Variants in ZDHHC13 observed in about 807,000 individuals in gnomAD.
The protein encoded by ZDHHC13 is zDHHC palmitoyltransferase 13, also known as palmitoyltransferase ZDHHC13.
In ZDHHC13, 85 loss-of-function variants were observed where a neutral mutation model predicts 86.0. The observed-to-expected ratio is 0.99, with a 90% CI of 0.83 to 1.18. The LOEUF is 1.18. Ranked by LOEUF, ZDHHC13 falls within the 50% of genes most tolerant of loss-of-function variation. ZDHHC13 has a pLI of 0.00. For missense variants in ZDHHC13, 711 were observed against 730.2 expected (o/e 0.97, Z 0.30); for synonymous variants, 263 against 246.4 (o/e 1.07, Z -0.63).
In ZDHHC13 at chr11:19,176,104, T is replaced by G. The variant is rs569648571; in HGVS notation, c.*144T>G. ...TAAAGCCATTAGGTAAAAAAAGTTC[T>G]CAATAAAGGCATTACAATTTTTTAG... is the stretch of plus-strand genomic sequence containing the variant. On this transcript the variant is annotated 3_prime_UTR_variant, in exon 17 of 17. Coordinates refer to ENST00000446113, the MANE Select transcript of ZDHHC13 (RefSeq NM_019028.3). The G allele has an allele frequency of 8.6e-5, 71 of 822,926 alleles. No individual in the cohort carries two copies. The African/African-American group carries it at 1.2e-3, about 14-fold the overall frequency. The allele number at this position is 822,926 out of a possible 1,614,324, so 51.0% of individuals were successfully genotyped here.
chr11:19,144,768 A>C (rs568919748), intron 2 of ZDHHC13, among the ~76,000 whole-genome samples: 8 of 152,254 alleles, frequency 5.3e-5, no homozygotes, highest in Non-Finnish European at 8.8e-5. Context: ...GGTAGTTTTA[A>C]GTAGAAATAA....
Position 19,155,875 on chromosome 11 carries a change from T to G in ZDHHC13, c.953T>G (p.Leu318Arg), listed in dbSNP as rs767676471. Residue 318 changes from leucine (L) to arginine (R), a missense_variant, in exon 9 of 17, where the codon CTT (leucine) becomes CGT (arginine). Transcript: ENST00000446113. Reference sequence around the variant, plus strand: ...TTGGACTTCAATTCAGATTCTTGGCTTTTAAAAGGATGTCTTCTAGTAACA... The same window carrying G: ...TTGGACTTCAATTCAGATTCTTGGCGTTTAAAAGGATGTCTTCTAGTAACA... ...YILDFNSDSW[L>R]LKGCLLVTLF... 1.9e-6 allele frequency: 3 copies of G among 1,612,756 alleles called. No individual in the cohort carries two copies. The highest frequency in any genetic ancestry group is 2.5e-6 in the Non-Finnish European group (3 of 1,179,676).
At chr11:19,152,705 T>C (rs750948664) in intron 8 of ZDHHC13, 21 bp downstream of exon 8, 1 of 1,612,272 alleles carries the variant, frequency 6.2e-7, no homozygotes, top group Non-Finnish European at 8.5e-7. Flanking sequence ...ATGGGGTCTT[T>C]TCTATGGGAT....
At chr11:19,132,868 T>C (rs999868641) in intron 1 of ZDHHC13, among the ~76,000 whole-genome samples, 1 of 152,204 alleles carries the variant, frequency 6.6e-6, no homozygotes, top group Non-Finnish European at 1.5e-5. Flanking sequence ...TAGGTTTCTT[T>C]ATTATAGCAA....
Position 19,152,685 on chromosome 11 carries a change from G to C in ZDHHC13, c.873+1G>C. ...TTGGAGGTGGCTGCAGAAATGCGAG[G>C]TATTTTCATATGGGGTCTTTTCTAT... On this transcript the variant is annotated splice_donor_variant, in intron 8 of 16. Transcript: ENST00000446113. LOFTEE classifies it high-confidence loss of function. 1.2e-6 allele frequency: 2 copies of C among 1,612,958 alleles called. No homozygotes were observed. The highest frequency in any genetic ancestry group is 1.7e-6 in the Non-Finnish European group (2 of 1,179,184).
chr11:19,157,907 C>G (rs1008698574), intron 9 of ZDHHC13, among the ~76,000 whole-genome samples: 1 of 152,190 alleles, frequency 6.6e-6, no homozygotes, highest in African/African-American at 2.4e-5. Flanking sequence ...ACTATTATTA[C>G]AGGGCAGTTG....
At chr11:19,162,781 G>T (rs1849948061) in intron 10 of ZDHHC13, among the ~76,000 whole-genome samples, 1 of 152,134 alleles carries the variant, frequency 6.6e-6, no homozygotes. Context: ...TATATTTTGA[G>T]TCGTGTGTCG....
At chr11:19,144,912 T>C (rs377705983) in intron 2 of ZDHHC13, among the ~76,000 whole-genome samples, 1 of 152,226 alleles carries the variant, frequency 6.6e-6, no homozygotes, top group Non-Finnish European at 1.5e-5. Context: ...GGTCAGGACT[T>C]CGAGACCAGC....
intron 1 of ZDHHC13, among the ~76,000 whole-genome samples, chr11:19,135,710 A>C (rs1485281871): frequency 2.0e-5 from 3 of 152,260 alleles, no homozygotes; most frequent in Non-Finnish European, 4.4e-5. Flanking sequence ...TTCTCCCAGC[A>C]TGCAGCTGGA....
rs1213394492 is a variant in ZDHHC13 at position 19,117,850 on chromosome 11, A to G, written c.27+574A>G. 6.6e-6 allele frequency: 1 copy of G among 152,372 alleles called. No homozygotes were observed. Among genetic ancestry groups the G allele is most frequent in the Non-Finnish European group, 1.5e-5 (1 of 68,174 alleles). The allele number at this position is 152,372 out of a possible 1,614,324, so 9.4% of individuals were successfully genotyped here. On this transcript the variant is annotated intron_variant, in intron 1 of 16. Transcript: ENST00000446113. The surrounding 1 kb of genome is among the most constrained non-coding windows in gnomAD (Gnocchi z 4.2). ...ACACCACAGCGATCTGCAGAATCTC[A>G]AAGGACAATATTCCGTGGAGGAGGT...
intron 3 of ZDHHC13, among the ~76,000 whole-genome samples, chr11:19,146,602 A>C (rs1849474389): frequency 6.6e-6 from 1 of 152,184 alleles, no homozygotes; most frequent in African/African-American, 2.4e-5. Context: ...TCAGAAGAGA[A>C]TGGGAAGTCT....
At chr11:19,145,542 A>G (rs777143958) in intron 2 of ZDHHC13, among the ~76,000 whole-genome samples, 1 of 152,264 alleles carries the variant, frequency 6.6e-6, no homozygotes, top group Non-Finnish European at 1.5e-5. Flanking sequence ...GTCTGACCTC[A>G]TGTCTCACCA....
At position 19,175,972 on chromosome 11, in the gene ZDHHC13, C is replaced by T. The variant is rs1357253583; in HGVS notation, c.*12C>T. The T allele has an allele frequency of 6.3e-7, 1 of 1,587,186 alleles. No homozygotes were observed. Among genetic ancestry groups the T allele is most frequent in the Admixed American group, 1.9e-5 (1 of 52,550 alleles). ...TTCGCTCAGTATGAAGAAAAGCAAC[C>T]CAAAACTCTCAATCTGATTTGTTTT... On this transcript the variant is annotated 3_prime_UTR_variant, in exon 17 of 17. Transcript: ENST00000446113.
intron 1 of ZDHHC13, among the ~76,000 whole-genome samples, chr11:19,142,478 G>T (rs568505431): frequency 6.6e-6 from 1 of 152,230 alleles, no homozygotes; most frequent in Admixed American, 6.5e-5. Context: ...AATTATATGA[G>T]AACTTGATTA....
chr11:19,175,802 CTTT>C lies in ZDHHC13; in HGVS notation c.1731-11_1731-9del. On this transcript the variant is annotated splice_polypyrimidine_tract_variant and intron_variant, in intron 16 of 16. Transcript: ENST00000446113. ...CAGGAAATATAGTAAGACATGTTCT[CTTT>C]TTTTTTTTCTTGGCAGTCTTGGATT... is the stretch of plus-strand genomic sequence containing the variant. 3 of 1,244,238 alleles carry C rather than the reference CTTT, an allele frequency of 2.4e-6. No individual in the cohort carries two copies. Among genetic ancestry groups the C allele is most frequent in the East Asian group, 2.8e-5 (1 of 35,570 alleles). The allele number at this position is 1,244,238 out of a possible 1,614,324, so 77.1% of individuals were successfully genotyped here.
chr11:19,155,082 C>G (rs1849719395), intron 8 of ZDHHC13, among the ~76,000 whole-genome samples: 1 of 152,138 alleles, frequency 6.6e-6, no homozygotes, highest in African/African-American at 2.4e-5. Flanking sequence ...TTAGGGATGG[C>G]ATGGTGCAGT....
chr11:19,143,140 CT>C lies in ZDHHC13; in HGVS notation c.173+20del. ...AGCTACTCAGTAAGTCTTCCAAATG[CT>C]TTGGTTTATCCTTATGTTCTCTAGA... On this transcript the variant is annotated intron_variant, in intron 2 of 16. Coordinates refer to ENST00000446113, the MANE Select transcript of ZDHHC13 (RefSeq NM_019028.3). 1 of 1,607,066 alleles carries C rather than the reference CT, an allele frequency of 6.2e-7. No homozygotes were observed. Among genetic ancestry groups the C allele is most frequent in the Non-Finnish European group, 8.5e-7 (1 of 1,176,468 alleles).
chr11:19,127,994 T>G (rs1200868444), intron 1 of ZDHHC13, among the ~76,000 whole-genome samples: 2 of 152,180 alleles, frequency 1.3e-5, no homozygotes, highest in Non-Finnish European at 2.9e-5. Flanking sequence ...GAAGAATGTC[T>G]TTGGTAATTT....
intron 1 of ZDHHC13, among the ~76,000 whole-genome samples, chr11:19,122,464 A>G (rs1192785252): frequency 6.6e-6 from 1 of 152,126 alleles, no homozygotes; most frequent in Admixed American, 6.5e-5. Flanking sequence ...AAATCAGCTT[A>G]AGCTACTTGC....
Sources: gnomAD v4.1 joint callset for allele counts (sites outside exome capture counted in the v4.1 genomes callset) on GRCh38, gnomAD v4.1.1 for gene constraint, Gnocchi (gnomAD v3.1) non-coding constraint, MANE v1.5 for transcripts, NCBI Gene and HGNC (gene_info 2026-07-23, HGNC 2026-07-21) for gene names.